The following BTF3L4 variants were observed in gnomAD, a reference collection of about 807,000 sequenced individuals.
BTF3L4 encodes transcription factor BTF3 homolog 4.
A neutral mutation model predicts 16.8 loss-of-function variants in BTF3L4; 6 were observed. That is an observed-to-expected ratio of 0.36 (90% CI 0.20 to 0.71). The LOEUF is 0.71. Ranked by LOEUF, BTF3L4 falls within the 30% of genes least tolerant of loss-of-function variation. The pLI is 0.58. For missense variants in BTF3L4, 92 were observed against 186.9 expected (o/e 0.49, Z 2.96); for synonymous variants, 39 against 59.8 (o/e 0.65, Z 1.60).
Position 52,086,183 on chromosome 1 carries a change from T to G in BTF3L4, c.430+12T>G. ...TGATGATGTTCCAGGTAAGTGACAT[T>G]TCCTTAGACTTAAGATTTTAAGCAT... On this transcript the variant is annotated intron_variant, in intron 5 of 5. Coordinates refer to ENST00000313334, the MANE Select transcript of BTF3L4 (RefSeq NM_152265.5). 2.5e-6 allele frequency: 4 copies of G among 1,602,972 alleles called. No individual in the cohort carries two copies. Among genetic ancestry groups the G allele is most frequent in the Non-Finnish European group, 3.4e-6 (4 of 1,173,312 alleles).
intron 3 of BTF3L4, among the ~76,000 whole-genome samples, chr1:52,069,381 A>G (rs1029115319): frequency 6.6e-6 from 1 of 151,984 alleles, no homozygotes; most frequent in Non-Finnish European, 1.5e-5. Flanking sequence ...TTGCTCATAC[A>G]CTTGGGTTAA....
At chr1:52,066,053 A>G (rs1368809133) in intron 3 of BTF3L4, among the ~76,000 whole-genome samples, 1 of 152,120 alleles carries the variant, frequency 6.6e-6, no homozygotes, top group Non-Finnish European at 1.5e-5. Context: ...AAAAAATTGT[A>G]TGTCAGTTTA....
chr1:52,069,830 C>G (rs564084552), intron 3 of BTF3L4, among the ~76,000 whole-genome samples: 3 of 152,186 alleles, frequency 2.0e-5, no homozygotes, highest in South Asian at 4.1e-4. Context: ...ACTGTCAGTA[C>G]TGAATGTCAC....
Position 52,089,923 on chromosome 1 carries a change from A to G in BTF3L4, c.*3165A>G, listed in dbSNP as rs1202705210. 1.3e-5 allele frequency: 2 copies of G among 152,104 alleles called. No individual in the cohort carries two copies. Among genetic ancestry groups the G allele is most frequent in the African/African-American group, 4.8e-5 (2 of 41,396 alleles). 9.4% of individuals were successfully genotyped at this position (152,104 alleles called of 1,614,324 possible). On this transcript the variant is annotated 3_prime_UTR_variant, in exon 6 of 6. Transcript: ENST00000313334. ...TTCTTATGAAAAACCCATATCTGCG[A>G]TATGTTTGATTTGTTTCTTTGTTTT...
At chr1:52,066,802 C>T (rs575137965) in intron 3 of BTF3L4, among the ~76,000 whole-genome samples, 57 of 150,656 alleles carry the variant, frequency 3.8e-4, no homozygotes, top group Middle Eastern at 7.0e-3. Context: ...GCCGAGACCA[C>T]GCCACTGTAC....
intron 4 of BTF3L4, among the ~76,000 whole-genome samples, chr1:52,085,286 TG>T (rs1290360219): frequency 2.0e-5 from 3 of 151,750 alleles, no homozygotes; most frequent in East Asian, 1.9e-4. Context: ...CCCAAAGTGC[TG>T]GGATTACAAG....
At position 52,089,733 on chromosome 1, in the gene BTF3L4, T is replaced by C. The variant is rs1428428397; in HGVS notation, c.*2975T>C. The C allele has an allele frequency of 6.6e-6, 1 of 152,188 alleles. No homozygotes were observed. Among genetic ancestry groups the C allele is most frequent in the Non-Finnish European group, 1.5e-5 (1 of 68,032 alleles). The allele number at this position is 152,188 out of a possible 1,614,324, so 9.4% of individuals were successfully genotyped here. On this transcript the variant is annotated 3_prime_UTR_variant, in exon 6 of 6. Transcript: ENST00000313334. Reference sequence around the variant, plus strand: ...TTTTTGTTCTTTGTAAAGCGCCTTATCTGTTTTGGACAAGTCCAAAGTAAA... The same window carrying C: ...TTTTTGTTCTTTGTAAAGCGCCTTACCTGTTTTGGACAAGTCCAAAGTAAA...
chr1:52,080,239 T>C (rs1466815619), intron 3 of BTF3L4, among the ~76,000 whole-genome samples: 1 of 152,164 alleles, frequency 6.6e-6, no homozygotes, highest in East Asian at 1.9e-4. Flanking sequence ...AAGAACAAGT[T>C]GGGAAACCCA....
At chr1:52,084,967 A>G (rs1229386250) in intron 4 of BTF3L4, among the ~76,000 whole-genome samples, 1 of 150,056 alleles carries the variant, frequency 6.7e-6, no homozygotes, top group Non-Finnish European at 1.5e-5. Context: ...TAGTGCCCAT[A>G]CTACCTAGCT....
chr1:52,062,447 G>A (rs1323485704), intron 2 of BTF3L4, among the ~76,000 whole-genome samples: 4 of 151,806 alleles, frequency 2.6e-5, no homozygotes, highest in Admixed American at 6.6e-5. Context: ...TGATCTGCCC[G>A]CCTCAGCCTC....
intron 2 of BTF3L4, among the ~76,000 whole-genome samples, chr1:52,061,431 T>G (rs1351827848): frequency 7.1e-6 from 1 of 140,472 alleles, no homozygotes; most frequent in South Asian, 2.2e-4. Flanking sequence ...GAAGTTGCGG[T>G]GAGCCAAGAT....
intron 3 of BTF3L4, among the ~76,000 whole-genome samples, chr1:52,070,633 C>CT (rs35272382): frequency 0.062 from 6,332 of 101,588 alleles, 531 homozygotes; most frequent in African/African-American, 0.18. Flanking sequence ...AAATAACCAG[C>CT]TTTTTTTTTT....
At chr1:52,068,515 A>G (rs1282055065) in intron 3 of BTF3L4, among the ~76,000 whole-genome samples, 1 of 152,230 alleles carries the variant, frequency 6.6e-6, no homozygotes, top group Non-Finnish European at 1.5e-5. Context: ...TTAGAGAGTT[A>G]GGTGCCTACC....
At chr1:52,069,475 G>C (rs1181242008) in intron 3 of BTF3L4, among the ~76,000 whole-genome samples, 5 of 151,580 alleles carry the variant, frequency 3.3e-5, no homozygotes, top group African/African-American at 1.2e-4. Context: ...GAAACACTCA[G>C]ATATGAACAT....
chr1:52,090,483 T>G lies in BTF3L4; in HGVS notation c.*3725T>G, dbSNP rs1644009066. The G allele has an allele frequency of 6.6e-6, 1 of 152,178 alleles. No individual in the cohort carries two copies. The allele number at this position is 152,178 out of a possible 1,614,324, so 9.4% of individuals were successfully genotyped here. A position where few individuals can be genotyped will look rare whatever the true frequency, so the allele number is the denominator to read the frequency against. ...ATTATTATAGCTTTCTTAATAGTTT[T>G]GTTTATGATCCACTCTCTCCAGCCC... On this transcript the variant is annotated 3_prime_UTR_variant, in exon 6 of 6. Transcript: ENST00000313334.
rs1491187855 is a variant in BTF3L4, at chr1:52,071,929, C to CCCTGTG, written c.168+6991_168+6992insCCTGTG. On this transcript the variant is annotated intron_variant, in intron 3 of 5. Coordinates refer to ENST00000313334, the MANE Select transcript of BTF3L4 (RefSeq NM_152265.5). ...TTTTGGCTTTTTGTTTTGTTTTTTACTCTGTGTGTGTGTGTGTGTGTGTGT... is the reference window on the plus strand; with the variant it reads ...TTTTGGCTTTTTGTTTTGTTTTTTACCCTGTGTCTGTGTGTGTGTGTGTGTGTGTGT... Among the ~76,000 whole-genome samples, 43 of 78,980 alleles carry CCCTGTG rather than the reference C, an allele frequency of 5.4e-4. No homozygotes were observed. The East Asian group carries it at 8.3e-3, about 15-fold the overall frequency. The allele number at this position is 78,980 out of a possible 152,430, so 51.8% of individuals were successfully genotyped here.
intron 3 of BTF3L4, among the ~76,000 whole-genome samples, chr1:52,073,815 T>C (rs1686861189): frequency 6.7e-6 from 1 of 149,086 alleles, no homozygotes; most frequent in South Asian, 2.1e-4. Context: ...TTGGCCGAGA[T>C]GGTGAAACCC....
intron 3 of BTF3L4, among the ~76,000 whole-genome samples, chr1:52,075,391 G>A (rs548358891): frequency 2.0e-5 from 3 of 150,830 alleles, no homozygotes; most frequent in South Asian, 2.1e-4. Context: ...GTGGTGGCAC[G>A]CTCCTGTAGC....
At chr1:52,073,072 A>G (rs868274465) in intron 3 of BTF3L4, among the ~76,000 whole-genome samples, 1 of 151,960 alleles carries the variant, frequency 6.6e-6, no homozygotes, top group Non-Finnish European at 1.5e-5. Context: ...AAAGAAAAAA[A>G]TTGGCTGGGC....
Sources: allele counts gnomAD v4.1 joint callset (sites outside exome capture counted in the v4.1 genomes callset), GRCh38; gene constraint gnomAD v4.1.1; transcripts MANE v1.5; gene names NCBI Gene and HGNC (gene_info 2026-07-23, HGNC 2026-07-21).